RBM28: variants seen among roughly 807,000 people sequenced by gnomAD.
RBM28 encodes RNA binding motif protein 28, also known as RNA-binding protein 28.
Under a neutral mutation model 98.3 loss-of-function variants are expected in RBM28, and 78 were observed. The observed-to-expected ratio is 0.79, with a 90% CI of 0.66 to 0.96. The LOEUF is 0.96. RBM28 is among the 40% of genes least tolerant of loss of function. The pLI is 0.00. For synonymous variants in RBM28, 306 were observed against 330.9 expected (o/e 0.92, Z 0.82); for missense variants, 838 against 913.0 (o/e 0.92, Z 1.06).
chr7:128,312,403 A>C (rs1174080665), intron 18 of RBM28, among the ~76,000 whole-genome samples: 12 of 152,188 alleles, frequency 7.9e-5, no homozygotes, highest in African/African-American at 2.9e-4. Flanking sequence ...CACCTCAAAA[A>C]AATTTTTAAA....
intron 12 of RBM28, among the ~76,000 whole-genome samples, chr7:128,324,152 A>C (rs1301405146): frequency 6.6e-6 from 1 of 152,180 alleles, no homozygotes; most frequent in Non-Finnish European, 1.5e-5. Context: ...ATTTAAAGCT[A>C]ATTTTTTTGT....
intron 9 of RBM28, among the ~76,000 whole-genome samples, chr7:128,331,958 T>C (rs755535260): frequency 6.6e-6 from 1 of 152,228 alleles, no homozygotes; most frequent in African/African-American, 2.4e-5. Flanking sequence ...TTAATTTGCC[T>C]TATCTAAGAT....
At chr7:128,311,044 G>T in intron 18 of RBM28, 113 bp from the exon 19 acceptor site, 1 of 1,063,016 alleles carries the variant, frequency 9.4e-7, no homozygotes. Flanking sequence ...ATATCTACCA[G>T]AAAGGGGTAG....
rs777761060 is a variant in RBM28, at chr7:128,313,221, T to C, written c.2099A>G (p.Gln700Arg). The stretch of plus-strand genomic sequence containing the variant: ...CTTCTCCTGCTTCCACTGGTTTATC[T>C]GTGGCTTTGGCTTTTTGGGATGGAC... ...KPVHPKKPKP[Q>R]INQWKQEKQQ... Residue 700 changes from glutamine (Q) to arginine (R), a missense_variant, in exon 18 of 19, where the codon CAG (glutamine) becomes CGG (arginine). Gln to Arg is a conservative substitution (Grantham distance 43). Transcript: ENST00000223073. 1 of 1,614,198 alleles carries C rather than the reference T, an allele frequency of 6.2e-7. No homozygotes were observed. The highest frequency in any genetic ancestry group is 1.1e-5 in the South Asian group (1 of 91,084).
In RBM28 at chr7:128,337,056, G is replaced by A. The variant is rs1796615897; in HGVS notation, c.613+75C>T. ...AGCCTTTTTCTTACACTTTTATCAT[G>A]AACACAGGAGTTGTTTCAATACTCT... On this transcript the variant is annotated intron_variant, in intron 6 of 18. Coordinates refer to ENST00000223073, the MANE Select transcript of RBM28 (RefSeq NM_018077.3). 2.0e-6 allele frequency: 3 copies of A among 1,469,884 alleles called. No individual in the cohort carries two copies. In the Admixed American group the frequency reaches 5.0e-5, roughly 25 times the overall value. 91.1% of individuals were successfully genotyped at this position (1,469,884 alleles called of 1,614,324 possible).
At chr7:128,315,530 G>A (rs571076808) in intron 16 of RBM28, among the ~76,000 whole-genome samples, 73 of 152,182 alleles carry the variant, frequency 4.8e-4, no homozygotes, top group Middle Eastern at 3.4e-3. Flanking sequence ...AAGCCAGACA[G>A]GGGAAAAATT....
Position 128,335,687 on chromosome 7 carries a change from G to A in RBM28, c.810-8C>T, listed in dbSNP as rs765338092. The stretch of plus-strand genomic sequence containing the variant: ...GCTGGTCTCTTGACTGCTCTGCAAT[G>A]GCACAGATCAGAACTAAGGAGGTGG... On this transcript the variant is annotated splice_polypyrimidine_tract_variant and splice_region_variant and intron_variant, in intron 7 of 18. Coordinates refer to ENST00000223073, the MANE Select transcript of RBM28 (RefSeq NM_018077.3). 1 of 1,614,138 alleles carries A rather than the reference G, an allele frequency of 6.2e-7. No homozygotes were observed. The highest frequency in any genetic ancestry group is 1.1e-5 in the South Asian group (1 of 91,076).
rs1188357242 is a variant in RBM28, at chr7:128,300,570, A to T, written c.*10227T>A. The stretch of plus-strand genomic sequence containing the variant: ...GCATGCTAACATCATCCAACCCCTG[A>T]CCTTGTGGTGAGGATCAAAGACGTT... On this transcript the variant is annotated 3_prime_UTR_variant, in exon 19 of 19. Transcript: ENST00000223073. 1 of 152,202 alleles carries T rather than the reference A, an allele frequency of 6.6e-6. No individual in the cohort carries two copies. Among genetic ancestry groups the T allele is most frequent in the Non-Finnish European group, 1.5e-5 (1 of 68,066 alleles). 9.4% of individuals were successfully genotyped at this position (152,202 alleles called of 1,614,324 possible). A position where few individuals can be genotyped will look rare whatever the true frequency, so the allele number is the denominator to read the frequency against.
intron 14 of RBM28, 65 bp from the exon 15 acceptor site, chr7:128,318,171 C>A: frequency 6.8e-7 from 1 of 1,474,122 alleles, no homozygotes; most frequent in Non-Finnish European, 9.4e-7. Context: ...ACATGAACTG[C>A]TTTAATAGAG....
rs913167980 is a variant in RBM28 at position 128,298,695 on chromosome 7, A to G, written c.*12102T>C. 1.3e-5 allele frequency: 2 copies of G among 152,220 alleles called. No individual in the cohort carries two copies. The highest frequency in any genetic ancestry group is 2.9e-5 in the Non-Finnish European group (2 of 68,058). 9.4% of individuals were successfully genotyped at this position (152,220 alleles called of 1,614,324 possible). Reference sequence around the variant, plus strand: ...CCTTAACTGAGAACAAGGGCTGCACATGAACAAAACGCCTGCTTTAAAATG... The same window carrying G: ...CCTTAACTGAGAACAAGGGCTGCACGTGAACAAAACGCCTGCTTTAAAATG... On this transcript the variant is annotated 3_prime_UTR_variant, in exon 19 of 19. Coordinates refer to ENST00000223073, the MANE Select transcript of RBM28 (RefSeq NM_018077.3).
intron 4 of RBM28, 105 bp from the exon 5 acceptor site, chr7:128,338,447 G>C: frequency 1.0e-6 from 1 of 955,898 alleles, no homozygotes; most frequent in Non-Finnish European, 1.7e-6. Context: ...CCCAAATTCT[G>C]CCAGCAGGTC....
chr7:128,338,378 A>G, intron 4 of RBM28, 36 bp from the exon 5 acceptor site: 1 of 1,526,362 alleles, frequency 6.6e-7, no homozygotes, highest in Non-Finnish European at 9.1e-7. Context: ...AGTGAGAGGC[A>G]GCAGGAGGTA....
At chr7:128,336,779 A>G (rs1239843487) in intron 6 of RBM28, among the ~76,000 whole-genome samples, 2 of 152,108 alleles carry the variant, frequency 1.3e-5, no homozygotes, top group Non-Finnish European at 2.9e-5. Context: ...TTTGAGACGA[A>G]GTCTCGTTTT....
intron 2 of RBM28, 120 bp from the exon 3 acceptor site, chr7:128,339,441 T>C (rs564236108): frequency 8.8e-7 from 1 of 1,132,642 alleles, no homozygotes; most frequent in African/African-American, 1.6e-5. Flanking sequence ...AGTGTGGCAA[T>C]AATACCAAGG....
chr7:128,338,816 GAAGA>G lies in RBM28; in HGVS notation c.373-19_373-16del. ...TCTTCTGAACACTGAAGCCAAAAGT[GAAGA>G]AAGAAAAAGAGAAACACAATCACAG... On this transcript the variant is annotated splice_polypyrimidine_tract_variant and intron_variant, in intron 3 of 18. Transcript: ENST00000223073. 9 of 1,575,930 alleles carry G rather than the reference GAAGA, an allele frequency of 5.7e-6. No homozygotes were observed. Among genetic ancestry groups the G allele is most frequent in the South Asian group, 1.1e-5 (1 of 90,256 alleles).
At chr7:128,325,918 G>A in intron 10 of RBM28, 27 bp from the exon 11 acceptor site, 1 of 1,572,880 alleles carries the variant, frequency 6.4e-7, no homozygotes, top group Non-Finnish European at 8.8e-7. Flanking sequence ...AATTCAGTGA[G>A]ATCCCAAACT....
At position 128,302,457 on chromosome 7, in the gene RBM28, T is replaced by C. The variant is rs1318421803; in HGVS notation, c.*8340A>G. The stretch of plus-strand genomic sequence containing the variant: ...ATGGCTATGGAAAATAAATAGCCAT[T>C]ATCTGACCTCCAGGGGAATGAAGAT... On this transcript the variant is annotated 3_prime_UTR_variant, in exon 19 of 19. Coordinates refer to ENST00000223073, the MANE Select transcript of RBM28 (RefSeq NM_018077.3). 1 of 152,240 alleles carries C rather than the reference T, an allele frequency of 6.6e-6. No individual in the cohort carries two copies. The highest frequency in any genetic ancestry group is 1.5e-5 in the Non-Finnish European group (1 of 68,052). The allele number at this position is 152,240 out of a possible 1,614,324, so 9.4% of individuals were successfully genotyped here.
At chr7:128,310,979 A>G in intron 18 of RBM28, 48 bp from the exon 19 acceptor site, 1 of 1,580,686 alleles carries the variant, frequency 6.3e-7, no homozygotes. Flanking sequence ...TTCAAAGACT[A>G]TATATCACCT....
chr7:128,305,259 C>T lies in RBM28; in HGVS notation c.*5538G>A, dbSNP rs1255651068. The T allele has an allele frequency of 6.6e-6, 1 of 152,108 alleles. No homozygotes were observed. Among genetic ancestry groups the T allele is most frequent in the Non-Finnish European group, 1.5e-5 (1 of 68,056 alleles). 9.4% of individuals were successfully genotyped at this position (152,108 alleles called of 1,614,324 possible). ...CTGGCCCCTCCCTCCACTTGAGTTG[C>T]CAGGTTCTACGACAGGGTCTTCCCC... On this transcript the variant is annotated 3_prime_UTR_variant, in exon 19 of 19. Coordinates refer to ENST00000223073, the MANE Select transcript of RBM28 (RefSeq NM_018077.3).
Sources: allele counts gnomAD v4.1 joint callset (sites outside exome capture counted in the v4.1 genomes callset), GRCh38; gene constraint gnomAD v4.1.1; transcripts MANE v1.5; gene names NCBI Gene and HGNC (gene_info 2026-07-23, HGNC 2026-07-21).